The following ST8SIA6 variants were observed in gnomAD, a reference collection of about 807,000 sequenced individuals.
The protein encoded by ST8SIA6 is alpha-2,8-sialyltransferase 8F.
ST8SIA6 carries 39 observed loss-of-function variants against 33.6 expected under a neutral mutation model. The observed-to-expected ratio is 1.16, with a 90% CI of 0.90 to 1.52. The LOEUF is 1.52. Among genes scored for constraint, ST8SIA6 ranks in the 40% most tolerant of loss-of-function variants. The pLI is 0.00. For synonymous variants in ST8SIA6, 172 were observed against 167.2 expected (o/e 1.03, Z -0.22); for missense variants, 441 against 443.8 (o/e 0.99, Z 0.06).
chr10:17,403,857 G>C (rs139877762), intron 2 of ST8SIA6, among the ~76,000 whole-genome samples: 3,902 of 152,152 alleles, frequency 0.026, 57 homozygotes, highest in South Asian at 0.055. Context: ...GAGGTCAGGA[G>C]TTTGAGACCA....
At position 17,317,572 on chromosome 10, in the gene ST8SIA6, A is replaced by G. The variant is rs1256229619; in HGVS notation, c.*3306T>C. Among the ~76,000 whole-genome samples the G allele has an allele frequency of 2.0e-5, 3 of 152,202 alleles. No homozygotes were observed. Among genetic ancestry groups the G allele is most frequent in the African/African-American group, 7.2e-5 (3 of 41,462 alleles). On this transcript the variant is annotated 3_prime_UTR_variant, in exon 8 of 8. Transcript: ENST00000377602. ...AAGATCACAATATATTATATATCAC[A>G]TCTTAACTATACTTCTGCAGTAGCT...
At chr10:17,447,205 A>G (rs1852744801) in intron 2 of ST8SIA6, among the ~76,000 whole-genome samples, 1 of 152,014 alleles carries the variant, frequency 6.6e-6, no homozygotes, top group African/African-American at 2.4e-5. Flanking sequence ...CTTGGCCAAC[A>G]TAGTGAAACC....
chr10:17,385,198 G>T (rs926409664), intron 3 of ST8SIA6, among the ~76,000 whole-genome samples: 4 of 152,082 alleles, frequency 2.6e-5, no homozygotes, highest in African/African-American at 9.7e-5. Context: ...TAAGATAGAT[G>T]CGTATCTGAT....
At chr10:17,417,935 G>C (rs1050394364) in intron 2 of ST8SIA6, among the ~76,000 whole-genome samples, 3 of 152,208 alleles carry the variant, frequency 2.0e-5, no homozygotes, top group African/African-American at 7.2e-5. Context: ...AGGGGAGGGA[G>C]TACAGGAAGG....
intron 2 of ST8SIA6, among the ~76,000 whole-genome samples, chr10:17,411,120 G>A (rs1851432847): frequency 6.6e-6 from 1 of 152,114 alleles, no homozygotes; most frequent in Admixed American, 6.5e-5. Context: ...TCAATCACAT[G>A]TCATTTCAGA....
chr10:17,433,535 A>G (rs992698210), intron 2 of ST8SIA6, among the ~76,000 whole-genome samples: 1 of 152,228 alleles, frequency 6.6e-6, no homozygotes, highest in African/African-American at 2.4e-5. Flanking sequence ...TGCTGGGTCC[A>G]TGGTAGGCAC....
rs566532335 is a variant in ST8SIA6 at position 17,447,087 on chromosome 10, A to G, written c.200+6472T>C. Among the ~76,000 whole-genome samples, 73 of 151,936 alleles carry G rather than the reference A, an allele frequency of 4.8e-4. 2 individuals carry two copies. Among genetic ancestry groups the G allele is most frequent in the Admixed American group, 2.2e-3 (33 of 15,260 alleles). On this transcript the variant is annotated intron_variant, in intron 2 of 7. Coordinates refer to ENST00000377602, the MANE Select transcript of ST8SIA6 (RefSeq NM_001004470.3). ...AAGCTGTGATCAAATAACAGAATCCATGTATGAAAAATAAGAATTGTGGCC... is the reference window on the plus strand; with the variant it reads ...AAGCTGTGATCAAATAACAGAATCCGTGTATGAAAAATAAGAATTGTGGCC...
intron 2 of ST8SIA6, among the ~76,000 whole-genome samples, chr10:17,400,582 A>G (rs1460551672): frequency 6.6e-6 from 1 of 152,002 alleles, no homozygotes; most frequent in African/African-American, 2.4e-5. Flanking sequence ...CTTATCCACC[A>G]TGATCAAGTG....
chr10:17,388,713 A>G (rs1408034217), intron 3 of ST8SIA6, among the ~76,000 whole-genome samples: 2 of 152,206 alleles, frequency 1.3e-5, no homozygotes, highest in Non-Finnish European at 2.9e-5. Context: ...TCTTGCTTCT[A>G]ATCTTTAAGC....
intron 2 of ST8SIA6, among the ~76,000 whole-genome samples, chr10:17,438,763 G>A (rs148310949): frequency 1.2e-3 from 186 of 152,250 alleles, no homozygotes; most frequent in Admixed American, 2.5e-3. Context: ...TGACCTTTGC[G>A]GTATTTATTA....
intron 2 of ST8SIA6, among the ~76,000 whole-genome samples, chr10:17,414,160 AC>A (rs74587334): frequency 0.23 from 35,556 of 152,044 alleles, 5,073 homozygotes; most frequent in East Asian, 0.6. Flanking sequence ...GCATGGATGT[AC>A]CCAACTCTTT....
chr10:17,356,026 A>G (rs1849178356), intron 4 of ST8SIA6, among the ~76,000 whole-genome samples: 1 of 152,230 alleles, frequency 6.6e-6, no homozygotes, highest in Non-Finnish European at 1.5e-5. Flanking sequence ...TTGCATTAAT[A>G]TATGACAGTA....
At chr10:17,341,917 A>AAAC (rs1554787662) in intron 4 of ST8SIA6, among the ~76,000 whole-genome samples, 7 of 150,914 alleles carry the variant, frequency 4.6e-5, no homozygotes, top group Non-Finnish European at 8.9e-5. Context: ...AAAAAAAAAA[A>AAAC]AAAACAAAAA....
intron 2 of ST8SIA6, among the ~76,000 whole-genome samples, chr10:17,395,902 T>G (rs1191885573): frequency 6.6e-6 from 1 of 152,028 alleles, no homozygotes; most frequent in Non-Finnish European, 1.5e-5. Context: ...CATACCAGAA[T>G]TAGCTGAAAT....
At chr10:17,439,070 T>G (rs952498858) in intron 2 of ST8SIA6, among the ~76,000 whole-genome samples, 2 of 152,200 alleles carry the variant, frequency 1.3e-5, no homozygotes, top group African/African-American at 4.8e-5. Context: ...CCTTCCAAAC[T>G]ACAGCTTTTT....
At chr10:17,398,155 C>T (rs1235701276) in intron 2 of ST8SIA6, among the ~76,000 whole-genome samples, 2 of 151,964 alleles carry the variant, frequency 1.3e-5, no homozygotes, top group East Asian at 3.9e-4. Flanking sequence ...GGTGAAACCC[C>T]GTCTCTACTA....
In ST8SIA6 at chr10:17,453,653, G is replaced by A. The variant is rs2131755358; in HGVS notation, c.106C>T (p.Leu36=). 7.6e-7 allele frequency: 1 copy of A among 1,318,436 alleles called. No homozygotes were observed. The allele number at this position is 1,318,436 out of a possible 1,614,324, so 81.7% of individuals were successfully genotyped here. ...PADAPGRARI[L]VEESREATHG... ...GTGGCCTCCCTGCTTTCCTCCACCA[G>A]AATCCTGCACAGCCGGGGAGAAAAC... The change falls in exon 2 of 8, where the codon CTG becomes TTG. Residue 36 remains leucine, a synonymous_variant. Coordinates refer to ENST00000377602, the MANE Select transcript of ST8SIA6 (RefSeq NM_001004470.3).
In ST8SIA6 at chr10:17,330,015, C is replaced by T. The variant is rs561474272; in HGVS notation, c.522+1393G>A. Among the ~76,000 whole-genome samples the T allele has an allele frequency of 2.6e-4, 39 of 152,058 alleles. No individual in the cohort carries two copies. In the Middle Eastern group the frequency reaches 0.017, roughly 66 times the overall value. On this transcript the variant is annotated intron_variant, in intron 5 of 7. Coordinates refer to ENST00000377602, the MANE Select transcript of ST8SIA6 (RefSeq NM_001004470.3). ...CATGCAGAAGGGCAGAGTAAAGCAA[C>T]GTGGGAAAGAGGACATTTCCACCAC...
At chr10:17,335,091 C>T (rs942038692) in intron 4 of ST8SIA6, among the ~76,000 whole-genome samples, 6 of 152,150 alleles carry the variant, frequency 3.9e-5, no homozygotes, top group Admixed American at 1.3e-4. Flanking sequence ...AAAGCTTTAG[C>T]CTTTTTCAGT....
Sources: allele counts gnomAD v4.1 joint callset (sites outside exome capture counted in the v4.1 genomes callset), GRCh38; gene constraint gnomAD v4.1.1; transcripts MANE v1.5; gene names NCBI Gene and HGNC (gene_info 2026-07-23, HGNC 2026-07-21).